The following MAN2B2 variants were observed in gnomAD, a reference collection of about 807,000 sequenced individuals.
The protein encoded by MAN2B2 is epididymis-specific alpha-mannosidase.
A neutral mutation model predicts 117.1 loss-of-function variants in MAN2B2; 106 were observed. That is an observed-to-expected ratio of 0.90 (90% CI 0.77 to 1.06). The LOEUF is 1.06. MAN2B2 is among the 50% of genes least tolerant of loss of function. MAN2B2 has a pLI of 0.00. For missense variants in MAN2B2, 1,326 were observed against 1,381.4 expected (o/e 0.96, Z 0.64); for synonymous variants, 544 against 595.1 (o/e 0.91, Z 1.25).
intron 16 of MAN2B2, among the ~76,000 whole-genome samples, chr4:6,616,360 T>A (rs1240665962): frequency 6.6e-6 from 1 of 151,988 alleles, no homozygotes; most frequent in Admixed American, 6.6e-5. Context: ...ATCACATACA[T>A]CATGTGGCAA....
chr4:6,608,538 C>T (rs762405691), intron 11 of MAN2B2, among the ~76,000 whole-genome samples: 1 of 152,244 alleles, frequency 6.6e-6, no homozygotes, highest in Non-Finnish European at 1.5e-5. Context: ...GGAGGGAGCA[C>T]AGAATTTAAA....
At chr4:6,618,476 A>G (rs1193224694) in intron 17 of MAN2B2, 1 of 152,204 alleles carries the variant, frequency 6.6e-6, no homozygotes, top group Non-Finnish European at 1.5e-5. Flanking sequence ...CCCCCCATGT[A>G]AAATGGGGAG....
At chr4:6,578,291 T>A in intron 2 of MAN2B2, 102 bp from the exon 3 acceptor site, 1 of 813,592 alleles carries the variant, frequency 1.2e-6, no homozygotes. Context: ...GGGTGGGGAG[T>A]TTTATGCAGG....
intron 9 of MAN2B2, 130 bp downstream of exon 9, chr4:6,598,484 T>A: frequency 9.9e-7 from 1 of 1,014,260 alleles, no homozygotes; most frequent in Non-Finnish European, 1.4e-6. Flanking sequence ...TTCCCCATGG[T>A]GAGAGCTCGG....
chr4:6,602,669 C>T (rs1727376442), intron 10 of MAN2B2, among the ~76,000 whole-genome samples: 1 of 148,850 alleles, frequency 6.7e-6, no homozygotes, highest in South Asian at 2.1e-4. Context: ...TGTCAGTTTT[C>T]CTTTTTTTTT....
At chr4:6,615,695 G>C (rs575964366) in intron 16 of MAN2B2, among the ~76,000 whole-genome samples, 19 of 152,130 alleles carry the variant, frequency 1.2e-4, no homozygotes, top group Non-Finnish European at 7.4e-5. Context: ...AGCTACTCAG[G>C]AGGCTGAGGT....
chr4:6,610,210 G>A (rs540717620), intron 13 of MAN2B2, among the ~76,000 whole-genome samples, 160 bp downstream of exon 13: 12 of 152,208 alleles, frequency 7.9e-5, no homozygotes, highest in South Asian at 2.1e-4. Context: ...AGGCTGGGGC[G>A]CAATGGAGCG....
rs143629577 is a variant in MAN2B2, at chr4:6,586,299, G to A, written c.392-697G>A. ...TGGTCTCAAACTCCTGGGCTCAAGC[G>A]ATCCTCCCACCTCAGCCTCCCAAAG... On this transcript the variant is annotated intron_variant, in intron 3 of 18. Transcript: ENST00000285599. Among the ~76,000 whole-genome samples the A allele has an allele frequency of 5.8e-3, 877 of 152,202 alleles. 11 individuals carry two copies. Among genetic ancestry groups the A allele is most frequent in the Middle Eastern group, 0.034 (10 of 294 alleles).
Position 6,598,336 on chromosome 4 carries a change from C to A in MAN2B2, c.1387C>A (p.Pro463Thr). 6.2e-7 allele frequency: 1 copy of A among 1,612,550 alleles called. No individual in the cohort carries two copies. Among genetic ancestry groups the A allele is most frequent in the Non-Finnish European group, 8.5e-7 (1 of 1,179,494 alleles). Residue 463 changes from proline (P) to threonine (T), a missense_variant, in exon 9 of 19, where the codon CCC becomes ACC. By Grantham distance (38) the Pro-to-Thr change is conservative. Transcript: ENST00000285599. ...IVLDELQPQA[P>T]MAASSDAGPA... The stretch of plus-strand genomic sequence containing the variant: ...CCTAGATGAGCTCCAGCCCCAGGCA[C>A]CCATGGCGGCCAGCTCCGGTGAGCA...
At chr4:6,585,534 G>A (rs542986333) in intron 3 of MAN2B2, among the ~76,000 whole-genome samples, 1 of 152,336 alleles carries the variant, frequency 6.6e-6, no homozygotes, top group African/African-American at 2.4e-5. Flanking sequence ...AGTAATAAAT[G>A]AATAAATGAA....
intron 10 of MAN2B2, among the ~76,000 whole-genome samples, chr4:6,602,360 T>G (rs753914137): frequency 6.6e-6 from 1 of 152,208 alleles, no homozygotes; most frequent in Non-Finnish European, 1.5e-5. Flanking sequence ...CGGGTTCTGG[T>G]GAGGGCCTCT....
chr4:6,621,065 G>C, intron 18 of MAN2B2, 123 bp from the exon 19 acceptor site: 1 of 667,368 alleles, frequency 1.5e-6, no homozygotes, highest in Non-Finnish European at 2.7e-6. Context: ...ATTGTAGACA[G>C]GTGCAGGAGG....
In MAN2B2 at chr4:6,597,192, G is replaced by A. The variant is rs1205149057; in HGVS notation, c.1137G>A (p.Leu379=). 4 of 1,612,630 alleles carry A rather than the reference G, an allele frequency of 2.5e-6. No individual in the cohort carries two copies. The East Asian group carries it at 6.7e-5, about 27-fold the overall frequency. ...KGLARRASAL[L]YAGESMFTRY... is the part of the protein sequence containing the mutation. ...TGGCCCGGCGAGCCAGCGCCTTGTTGTATGCCGGGGAGTCCATGTTCACAC... is the reference window on the plus strand; with the variant it reads ...TGGCCCGGCGAGCCAGCGCCTTGTTATATGCCGGGGAGTCCATGTTCACAC... Residue 379 remains leucine (L), a synonymous_variant, in exon 8 of 19, where the codon TTG becomes TTA. Coordinates refer to ENST00000285599, the MANE Select transcript of MAN2B2 (RefSeq NM_015274.3).
At position 6,609,658 on chromosome 4, in the gene MAN2B2, G is replaced by A. The variant is rs970217711; in HGVS notation, c.2007-140G>A. 21 of 1,091,130 alleles carry A rather than the reference G, an allele frequency of 1.9e-5. No homozygotes were observed. The East Asian group carries it at 4.7e-4, about 25-fold the overall frequency. The allele number at this position is 1,091,130 out of a possible 1,614,324, so 67.6% of individuals were successfully genotyped here. On this transcript the variant is annotated intron_variant, in intron 12 of 18. Transcript: ENST00000285599. The stretch of plus-strand genomic sequence containing the variant: ...GCTCGGGGTCCTGGGTGGTGCTATT[G>A]TCCACATGGCCCAAGAAGGCTCCCT...
chr4:6,610,945 G>A lies in MAN2B2; in HGVS notation c.2325G>A (p.Ser775=), dbSNP rs140754220. The change falls in exon 14 of 19, where the codon TCG becomes TCA. Residue 775 remains serine, a synonymous_variant. Transcript: ENST00000285599. Reference sequence around the variant, plus strand: ...GCAAAAGCAGGCTTGTGTTGCTGTCGGAGCGGGCACATGGCATCTCCAGCC... The same window carrying A: ...GCAAAAGCAGGCTTGTGTTGCTGTCAGAGCGGGCACATGGCATCTCCAGCC... ...EDGKSRLVLL[S]ERAHGISSQG... is the part of the protein sequence containing the mutation. 342 of 1,614,064 alleles carry A rather than the reference G, an allele frequency of 2.1e-4. No homozygotes were observed. Among genetic ancestry groups the A allele is most frequent in the Non-Finnish European group, 2.6e-4 (304 of 1,180,024 alleles).
Position 6,611,128 on chromosome 4 carries a change from C to G in MAN2B2, c.2413C>G (p.Leu805Val). The change falls in exon 15 of 19, where the codon CTG becomes GTG. Residue 805 changes from leucine to valine, a missense_variant. By Grantham distance (32) the Leu-to-Val change is conservative. Transcript: ENST00000285599. ...GCTGTGGAACAACTTCGACTGGGAC[C>G]TGGGCTACAACCTCACGCTGAACGA... Reference protein sequence around the residue: ...RRLWNNFDWDLGYNLTLNDTS... With the variant: ...RRLWNNFDWDVGYNLTLNDTS... 1 of 1,613,844 alleles carries G rather than the reference C, an allele frequency of 6.2e-7. No homozygotes were observed. The highest frequency in any genetic ancestry group is 8.5e-7 in the Non-Finnish European group (1 of 1,179,942).
chr4:6,617,709 C>T, intron 17 of MAN2B2: 5 of 796,770 alleles, frequency 6.3e-6, no homozygotes, highest in Non-Finnish European at 9.3e-6. Context: ...GAGACAGGAT[C>T]TCACTCTGTT....
intron 1 of MAN2B2, 131 bp from the exon 2 acceptor site, chr4:6,576,447 T>TG: frequency 9.5e-7 from 1 of 1,057,744 alleles, no homozygotes; most frequent in Non-Finnish European, 1.4e-6. Context: ...AATAGCTGTG[T>TG]GGGGGGTGAG....
Position 6,621,218 on chromosome 4 carries a change from G to C in MAN2B2, c.2963G>C (p.Gly988Ala), listed in dbSNP as rs745781364. The C allele has an allele frequency of 6.2e-7, 1 of 1,614,088 alleles. No individual in the cohort carries two copies. The highest frequency in any genetic ancestry group is 8.5e-7 in the Non-Finnish European group (1 of 1,179,980). The change falls in exon 19 of 19, where the codon GGA becomes GCA. Residue 988 changes from glycine (G) to alanine (A), a missense_variant. By Grantham distance (60) the Gly-to-Ala change is moderately conservative (BLOSUM62 0). Transcript: ENST00000285599. Reference protein sequence around the residue: ...GDTTSPSRPPGGPIITVHPKE... With the variant: ...GDTTSPSRPPAGPIITVHPKE... ...ACCACCTCTCCCTCGAGGCCACCAGGAGGCCCCATCATCACCGTCCACCCA... is the reference window on the plus strand; with the variant it reads ...ACCACCTCTCCCTCGAGGCCACCAGCAGGCCCCATCATCACCGTCCACCCA...
Sources: allele counts gnomAD v4.1 joint callset (sites outside exome capture counted in the v4.1 genomes callset), GRCh38; gene constraint gnomAD v4.1.1; transcripts MANE v1.5; gene names NCBI Gene and HGNC (gene_info 2026-07-23, HGNC 2026-07-21).